The following NEURL1 variants were observed in gnomAD, a reference collection of about 807,000 sequenced individuals.
NEURL1 encodes the protein neuralized E3 ubiquitin protein ligase 1.
Under a neutral mutation model 41.2 loss-of-function variants are expected in NEURL1, and 26 were observed. That is an observed-to-expected ratio of 0.63 (90% CI 0.46 to 0.87). The LOEUF is 0.87. Ranked by LOEUF, NEURL1 falls within the 40% of genes least tolerant of loss-of-function variation. The pLI, the probability that NEURL1 is intolerant of heterozygous loss-of-function variation, is 0.00. For missense variants in NEURL1, 761 were observed against 871.1 expected (o/e 0.87, Z 1.59); for synonymous variants, 400 against 402.3 (o/e 0.99, Z 0.07).
In NEURL1 at chr10:103,584,611, A is replaced by C. The variant is rs1469732629; in HGVS notation, c.725A>C (p.Glu242Ala). The change falls in exon 4 of 6, where the codon GAG (glutamate) becomes GCG (alanine). Residue 242 changes from glutamate (E) to alanine (A), a missense_variant. Transcript: ENST00000369780. ...TALRRPSLRR[E>A]ADDARLSVSL... ...CTGCGGCGGCCGTCGCTGCGGCGCGAGGCGGACGACGCGCGCCTCTCGGTG... is the reference window on the plus strand; with the variant it reads ...CTGCGGCGGCCGTCGCTGCGGCGCGCGGCGGACGACGCGCGCCTCTCGGTG... The C allele has an allele frequency of 7.1e-7, 1 of 1,412,074 alleles. No individual in the cohort carries two copies. The highest frequency in any genetic ancestry group is 9.2e-7 in the Non-Finnish European group (1 of 1,089,204). The allele number at this position is 1,412,074 out of a possible 1,614,324, so 87.5% of individuals were successfully genotyped here. A position where few individuals can be genotyped will look rare whatever the true frequency, so the allele number is the denominator to read the frequency against.
At chr10:103,587,070 G>T (rs1187449353) in intron 4 of NEURL1, among the ~76,000 whole-genome samples, 1 of 151,884 alleles carries the variant, frequency 6.6e-6, no homozygotes, top group African/African-American at 2.4e-5. Flanking sequence ...GAGAGAGAGA[G>T]AAAGAAAGAG....
At chr10:103,524,233 G>C (rs1394669904) in intron 1 of NEURL1, among the ~76,000 whole-genome samples, 4 of 152,108 alleles carry the variant, frequency 2.6e-5, no homozygotes, top group Non-Finnish European at 5.9e-5. Flanking sequence ...GGTTTTGTCT[G>C]CATTCTTTTG....
At position 103,589,552 on chromosome 10, in the gene NEURL1, C is replaced by G. The variant is rs1234081360; in HGVS notation, c.1378C>G (p.Pro460Ala). Reference protein sequence around the residue: ...ILAERGIPSLPCSPASTPTSP... With the variant: ...ILAERGIPSLACSPASTPTSP... ...GGCCGAGCGGGGTATCCCATCACTC[C>G]CCTGCTCCCCTGCCTCCACGCCAAC... The change falls in exon 5 of 6, where the codon CCC (proline) becomes GCC (alanine). Residue 460 changes from proline to alanine, a missense_variant. By Grantham distance (27) the Pro-to-Ala change is conservative (BLOSUM62 -1). Coordinates refer to ENST00000369780, the MANE Select transcript of NEURL1 (RefSeq NM_004210.5). The G allele has an allele frequency of 9.3e-6, 15 of 1,613,710 alleles. No individual in the cohort carries two copies. Among genetic ancestry groups the G allele is most frequent in the Non-Finnish European group, 1.3e-5 (15 of 1,179,816 alleles).
intron 3 of NEURL1, among the ~76,000 whole-genome samples, chr10:103,575,715 C>T (rs1029738184): frequency 6.6e-6 from 1 of 152,230 alleles, no homozygotes. Flanking sequence ...GCAGGCCCTC[C>T]TCCCTGTTAT....
intron 1 of NEURL1, among the ~76,000 whole-genome samples, chr10:103,547,355 G>C (rs2034943475): frequency 6.6e-6 from 1 of 152,270 alleles, no homozygotes; most frequent in Non-Finnish European, 1.5e-5. Context: ...CTGAGCCCCT[G>C]TGGGGTCCTG....
At chr10:103,554,598 A>C (rs1285038771) in intron 1 of NEURL1, among the ~76,000 whole-genome samples, 11 of 152,072 alleles carry the variant, frequency 7.2e-5, no homozygotes, top group Admixed American at 7.2e-4. Flanking sequence ...TCTTTGTCTC[A>C]GTTTTCTCAT....
chr10:103,511,293 CA>C (rs1480478109), intron 1 of NEURL1, among the ~76,000 whole-genome samples: 1 of 152,164 alleles, frequency 6.6e-6, no homozygotes, highest in African/African-American at 2.4e-5. Context: ...CAGGGACCCC[CA>C]GGCCCCCTCT....
intron 1 of NEURL1, among the ~76,000 whole-genome samples, chr10:103,514,186 T>C (rs1592186385): frequency 1.3e-5 from 2 of 150,598 alleles, no homozygotes; most frequent in Admixed American, 1.3e-4. Context: ...CCTCCTGGGG[T>C]TCAAGCAATT....
intron 1 of NEURL1, among the ~76,000 whole-genome samples, chr10:103,567,894 C>T (rs1305729935): frequency 6.6e-6 from 1 of 152,172 alleles, no homozygotes; most frequent in Non-Finnish European, 1.5e-5. Context: ...AAAACTAGTT[C>T]AGAGCTTGGC....
chr10:103,555,279 G>C (rs532359080), intron 1 of NEURL1: 3 of 1,150,656 alleles, frequency 2.6e-6, no homozygotes, highest in East Asian at 1.8e-4. Flanking sequence ...CTCCGCCCGC[G>C]GGGGAGGAGA....
At chr10:103,586,706 C>A (rs966531482) in intron 4 of NEURL1, among the ~76,000 whole-genome samples, 31 of 152,118 alleles carry the variant, frequency 2.0e-4, no homozygotes, top group African/African-American at 7.2e-4. Flanking sequence ...TTGGGGACTT[C>A]CACCTCTGCA....
Position 103,590,577 on chromosome 10 carries a change from G to T in NEURL1, c.*205G>T. The T allele has an allele frequency of 3.4e-6, 2 of 590,724 alleles. No homozygotes were observed. The highest frequency in any genetic ancestry group is 3.0e-5 in the Admixed American group (1 of 33,734). The allele number at this position is 590,724 out of a possible 1,614,324, so 36.6% of individuals were successfully genotyped here. A position where few individuals can be genotyped will look rare whatever the true frequency, so the allele number is the denominator to read the frequency against. ...GGCAGAGGCAAATCACCGGGCAGAG[G>T]GAGGGGAGGAGAGGAGGCCGCACTC... On this transcript the variant is annotated 3_prime_UTR_variant, in exon 6 of 6. Transcript: ENST00000369780.
At chr10:103,551,123 C>G (rs1399606297) in intron 1 of NEURL1, among the ~76,000 whole-genome samples, 2 of 152,052 alleles carry the variant, frequency 1.3e-5, no homozygotes, top group Non-Finnish European at 2.9e-5. Flanking sequence ...CTGCCTGTTA[C>G]CCCGTCCATG....
Position 103,545,246 on chromosome 10 carries a change from C to A in NEURL1, c.86-25626C>A, listed in dbSNP as rs990107259. 6.6e-6 allele frequency among the ~76,000 whole-genome samples: 1 copy of A among 152,238 alleles called. No individual in the cohort carries two copies. Among genetic ancestry groups the A allele is most frequent in the African/African-American group, 2.4e-5 (1 of 41,460 alleles). On this transcript the variant is annotated intron_variant, in intron 1 of 5. Transcript: ENST00000369780. The surrounding 1 kb of genome is among the most constrained non-coding windows in gnomAD (Gnocchi z 4.5). ...GTCCTTTGTGCAGGAATACCACAGT[C>A]CTGACAGCCACCTTTGGTGGCCACA...
chr10:103,575,754 T>C (rs2035648623), intron 3 of NEURL1, among the ~76,000 whole-genome samples: 4 of 150,048 alleles, frequency 2.7e-5, no homozygotes, highest in South Asian at 4.2e-4. Flanking sequence ...ACCTCTTTCT[T>C]TGGGGCGCCC....
intron 1 of NEURL1, among the ~76,000 whole-genome samples, chr10:103,563,269 G>A (rs558972086): frequency 3.3e-5 from 5 of 152,264 alleles, no homozygotes; most frequent in South Asian, 2.1e-4. Flanking sequence ...TAAACTTACC[G>A]GGGCCTCACT....
At chr10:103,544,964 C>T (rs2034897030) in intron 1 of NEURL1, among the ~76,000 whole-genome samples, 1 of 152,192 alleles carries the variant, frequency 6.6e-6, no homozygotes, top group African/African-American at 2.4e-5. Context: ...GTTCTGACTG[C>T]CAGGGAAGGC....
intron 1 of NEURL1, among the ~76,000 whole-genome samples, chr10:103,536,542 G>GTC (rs147819320): frequency 1.3e-5 from 2 of 151,020 alleles, no homozygotes; most frequent in African/African-American, 2.4e-5. Flanking sequence ...GAAACTGCAT[G>GTC]TCTCTCTCTC....
intron 3 of NEURL1, among the ~76,000 whole-genome samples, chr10:103,575,828 G>A (rs916996578): frequency 1.3e-5 from 2 of 152,236 alleles, no homozygotes; most frequent in Admixed American, 6.5e-5. Flanking sequence ...AGAAGGACCC[G>A]CCAGCAACTA....
Sources: allele counts gnomAD v4.1 joint callset (sites outside exome capture counted in the v4.1 genomes callset), GRCh38; gene constraint gnomAD v4.1.1; non-coding constraint Gnocchi (gnomAD v3.1); transcripts MANE v1.5; gene names NCBI Gene and HGNC (gene_info 2026-07-23, HGNC 2026-07-21).